AZIN2: variants seen among roughly 807,000 people sequenced by gnomAD.
AZIN2 encodes the protein antizyme inhibitor 2.
AZIN2 carries 28 observed loss-of-function variants against 47.8 expected under a neutral mutation model. The observed-to-expected ratio is 0.59, with a 90% confidence interval of 0.43 to 0.80. AZIN2 has a LOEUF of 0.80. Ranked by LOEUF, AZIN2 falls within the 30% of genes least tolerant of loss-of-function variation. The pLI is 0.00. For missense variants in AZIN2, 535 were observed against 582.5 expected (o/e 0.92, Z 0.84); for synonymous variants, 221 against 239.4 (o/e 0.92, Z 0.71).
At chr1:33,162,516 C>G in the AZIN2 span, among the ~76,000 whole-genome samples, 1 of 152,240 alleles carries the variant, frequency 6.6e-6, no homozygotes, top group East Asian at 1.9e-4. Flanking sequence ...TCTCCCTCGG[C>G]TCTGCACCCC....
At chr1:33,136,172 T>C in the AZIN2 span, among the ~76,000 whole-genome samples, 208 of 110,014 alleles carry the variant, frequency 1.9e-3, no homozygotes, top group African/African-American at 6.5e-3. Context: ...CCTTCCTTCC[T>C]TCCCTCCCTC....
chr1:33,088,218 C>T (rs955657992), intron 5 of AZIN2, among the ~76,000 whole-genome samples: 1 of 152,194 alleles, frequency 6.6e-6, no homozygotes, highest in Non-Finnish European at 1.5e-5. Flanking sequence ...TGGAACCCGG[C>T]ATGTTCAAAT....
chr1:33,147,693 G>C, the AZIN2 span: 1 of 1,613,308 alleles, frequency 6.2e-7, no homozygotes, highest in Middle Eastern at 1.6e-4. This position sits in a 1 kb window ranked among gnomAD's most constrained non-coding sequence, Gnocchi z 8.1. Context: ...GGCGCTGGTG[G>C]GCTGTGCCCG....
chr1:33,083,907 G>A, intron 4 of AZIN2, 47 bp from the exon 5 acceptor site: 1 of 1,608,742 alleles, frequency 6.2e-7, no homozygotes, highest in Non-Finnish European at 8.5e-7. Context: ...CATGCACAGG[G>A]TGCGAGCTGG....
chr1:33,146,106 A>G, the AZIN2 span: 1 of 285,906 alleles, frequency 3.5e-6, no homozygotes, highest in Non-Finnish European at 7.0e-6. Context: ...AACAGACATG[A>G]TGAATCTGGC....
the AZIN2 span, among the ~76,000 whole-genome samples, chr1:33,157,635 A>G: frequency 6.6e-6 from 1 of 152,184 alleles, no homozygotes; most frequent in Non-Finnish European, 1.5e-5. Flanking sequence ...AGCACCTAGA[A>G]CAGTTCCTGA....
At chr1:33,094,793 A>G in intron 8 of AZIN2, 80 bp downstream of exon 8, 18 of 1,495,926 alleles carry the variant, frequency 1.2e-5, no homozygotes, top group Non-Finnish European at 1.7e-5. Context: ...GAGGGAGACC[A>G]CCGTGCGTGG....
the AZIN2 span, among the ~76,000 whole-genome samples, chr1:33,131,435 G>A: frequency 2.0e-5 from 3 of 152,124 alleles, no homozygotes; most frequent in Non-Finnish European, 2.9e-5. Context: ...GTTAGCCACC[G>A]GCTTCCTGTG....
rs966374239 is a variant in AZIN2, at chr1:33,082,119, C to T, written c.-72-59C>T. ...GATTGGGATCCCTGGCCTCGGGAGGCGAGTGGGGCAGCAGAGCCGGCCCCC... is the reference window on the plus strand; with the variant it reads ...GATTGGGATCCCTGGCCTCGGGAGGTGAGTGGGGCAGCAGAGCCGGCCCCC... On this transcript the variant is annotated intron_variant, in intron 3 of 11. Transcript: ENST00000294517. 1.1e-5 allele frequency: 8 copies of T among 747,774 alleles called. No homozygotes were observed. The East Asian group carries it at 1.9e-4, about 18-fold the overall frequency. The allele number at this position is 747,774 out of a possible 1,614,324, so 46.3% of individuals were successfully genotyped here. A position where few individuals can be genotyped will look rare whatever the true frequency, so the allele number is the denominator to read the frequency against.
At chr1:33,107,557 C>T (rs560739665) in intron 10 of AZIN2, among the ~76,000 whole-genome samples, 24 of 151,988 alleles carry the variant, frequency 1.6e-4, no homozygotes, top group South Asian at 4.2e-4. Context: ...TCCAGCCTGG[C>T]GACAGAGCCA....
At chr1:33,137,915 C>A in the AZIN2 span, among the ~76,000 whole-genome samples, 1 of 152,176 alleles carries the variant, frequency 6.6e-6, no homozygotes, top group African/African-American at 2.4e-5. Context: ...TCCTCCCCAC[C>A]TTGGGTCTTG....
chr1:33,102,156 C>G (rs1557700451), intron 10 of AZIN2, among the ~76,000 whole-genome samples: 1 of 150,360 alleles, frequency 6.7e-6, no homozygotes, highest in African/African-American at 2.5e-5. Flanking sequence ...TGCATTTTCT[C>G]CAGCATGGAG....
chr1:33,092,350 G>A lies in AZIN2; in HGVS notation c.452+128G>A, dbSNP rs374387086. 3.3e-5 allele frequency: 29 copies of A among 878,758 alleles called. 1 individual carries two copies. In the South Asian group the frequency reaches 3.8e-4, roughly 12 times the overall value. The allele number at this position is 878,758 out of a possible 1,614,324, so 54.4% of individuals were successfully genotyped here. A position where few individuals can be genotyped will look rare whatever the true frequency, so the allele number is the denominator to read the frequency against. On this transcript the variant is annotated intron_variant, in intron 6 of 11. Transcript: ENST00000294517. ...GAAGGCTGGGCTTCAGAGTGAAGGG[G>A]GGGGTGGGGTGAGGGGGTGGAGCTG...
the AZIN2 span, chr1:33,147,734 G>T: frequency 6.2e-7 from 1 of 1,605,310 alleles, no homozygotes; most frequent in Non-Finnish European, 8.5e-7. This position sits in a 1 kb window ranked among gnomAD's most constrained non-coding sequence, Gnocchi z 8.1. Context: ...GGCACTGTGG[G>T]GGTTGGAGGA....
the AZIN2 span, among the ~76,000 whole-genome samples, chr1:33,150,976 C>T: frequency 3.9e-5 from 6 of 152,106 alleles, no homozygotes; most frequent in African/African-American, 1.4e-4. Context: ...AGACCAGCAA[C>T]AGGCAGCAAC....
At chr1:33,148,339 A>AT in the AZIN2 span, among the ~76,000 whole-genome samples, 9 of 152,142 alleles carry the variant, frequency 5.9e-5, no homozygotes, top group South Asian at 2.1e-4. Flanking sequence ...TAAACATGAA[A>AT]TTTTTTTTGC....
intron 10 of AZIN2, among the ~76,000 whole-genome samples, chr1:33,111,462 GATAAT>G (rs1406271617): frequency 1.3e-5 from 2 of 152,228 alleles, no homozygotes; most frequent in African/African-American, 4.8e-5. Context: ...ATAGAAATAA[GATAAT>G]ATAACTTCTA....
downstream of AZIN2, among the ~76,000 whole-genome samples, chr1:33,126,226 T>G (rs1557737735): frequency 6.6e-6 from 1 of 152,232 alleles, no homozygotes; most frequent in Non-Finnish European, 1.5e-5. Flanking sequence ...AATGAAGGAA[T>G]GAATCTTTCA....
In AZIN2 at chr1:33,084,137, G is replaced by C. The variant is rs1242112704; in HGVS notation, c.279+10G>C. The C allele has an allele frequency of 6.2e-7, 1 of 1,607,194 alleles. No individual in the cohort carries two copies. The highest frequency in any genetic ancestry group is 8.5e-7 in the Non-Finnish European group (1 of 1,179,948). On this transcript the variant is annotated intron_variant, in intron 5 of 11. Coordinates refer to ENST00000294517, the MANE Select transcript of AZIN2 (RefSeq NM_052998.4). ...TAGCTGTGCCAACAAGGTGAGCCCTGCCCGCACGGTGCACTGACCCTCCAT... is the reference window on the plus strand; with the variant it reads ...TAGCTGTGCCAACAAGGTGAGCCCTCCCCGCACGGTGCACTGACCCTCCAT...
Sources: allele counts gnomAD v4.1 joint callset (sites outside exome capture counted in the v4.1 genomes callset), GRCh38; gene constraint gnomAD v4.1.1; non-coding constraint Gnocchi (gnomAD v3.1); transcripts MANE v1.5; gene names NCBI Gene and HGNC (gene_info 2026-07-23, HGNC 2026-07-21).